Variants in MGAT2 observed in about 807,000 individuals in gnomAD.
MGAT2 encodes the protein alpha-1,6-mannosyl-glycoprotein 2-beta-N-acetylglucosaminyltransferase.
Under a neutral mutation model 33.8 loss-of-function variants are expected in MGAT2, and 17 were observed. That is an observed-to-expected ratio of 0.50 (90% CI 0.34 to 0.76). MGAT2 has a LOEUF of 0.76. MGAT2 is among the 30% of genes least tolerant of loss of function. MGAT2 has a pLI of 0.01. For missense variants in MGAT2, 529 were observed against 553.9 expected (o/e 0.96, Z 0.45); for synonymous variants, 248 against 226.7 (o/e 1.09, Z -0.84).
rs1447067392 is a variant in MGAT2, at chr14:49,622,693, G to A, written c.*81G>A. 1 of 1,445,228 alleles carries A rather than the reference G, an allele frequency of 6.9e-7. No homozygotes were observed. Among genetic ancestry groups the A allele is most frequent in the East Asian group, 2.4e-5 (1 of 42,514 alleles). The allele number at this position is 1,445,228 out of a possible 1,614,324, so 89.5% of individuals were successfully genotyped here. ...CATACAATTGAATAAAAGAGTTTAG[G>A]AACTGGTTTCTGCTTTAATACAAAA... On this transcript the variant is annotated 3_prime_UTR_variant, in exon 1 of 1. Transcript: ENST00000305386.
In MGAT2 at chr14:49,620,938, G is replaced by C. The variant is rs1209909533; in HGVS notation, c.-331G>C. 5 of 701,872 alleles carry C rather than the reference G, an allele frequency of 7.1e-6. No individual in the cohort carries two copies. The African/African-American group carries it at 8.7e-5, about 12-fold the overall frequency. 43.5% of individuals were successfully genotyped at this position (701,872 alleles called of 1,614,324 possible). A position where few individuals can be genotyped will look rare whatever the true frequency, so the allele number is the denominator to read the frequency against. The stretch of plus-strand genomic sequence containing the variant: ...GAGGCGCAGGTAACGAAGCTAGGGT[G>C]CGGTTGGGACCGCGGCTGAGCTTTT... On this transcript the variant is annotated 5_prime_UTR_variant, in exon 1 of 1. Transcript: ENST00000305386.
Position 49,621,036 on chromosome 14 carries a change from G to C in MGAT2, c.-233G>C. 1.4e-6 allele frequency: 1 copy of C among 718,450 alleles called. No homozygotes were observed. The highest frequency in any genetic ancestry group is 2.5e-4 in the Middle Eastern group (1 of 4,018). The allele number at this position is 718,450 out of a possible 1,614,324, so 44.5% of individuals were successfully genotyped here. Reference sequence around the variant, plus strand: ...CGCGGCTCCTAGCGGCGGCGCCGATGCTCGAGCTGTAGCTGCCAGGCGAGG... The same window carrying C: ...CGCGGCTCCTAGCGGCGGCGCCGATCCTCGAGCTGTAGCTGCCAGGCGAGG... On this transcript the variant is annotated 5_prime_UTR_variant, in exon 1 of 1. The change abolishes an upstream ATG in the 5' untranslated region. Transcript: ENST00000305386. The surrounding 1 kb of genome is among the most constrained non-coding windows in gnomAD (Gnocchi z 4.6).
chr14:49,621,387 C>T lies in MGAT2; in HGVS notation c.119C>T (p.Pro40Leu), dbSNP rs754383709. 5.6e-6 allele frequency: 9 copies of T among 1,610,166 alleles called. No homozygotes were observed. The highest frequency in any genetic ancestry group is 3.3e-5 in the South Asian group (3 of 91,000). ...AGGAAGAACGAGGCCCTCGCCCCAC[C>T]GTTGCTGGACGCCGAACCCGCGCGG... ...RQRKNEALAP[P>L]LLDAEPARGA... The change falls in exon 1 of 1, where the codon CCG becomes CTG. Residue 40 changes from proline to leucine, a missense_variant. Physicochemically the swap from Pro to Leu is moderately conservative, Grantham distance 98. Coordinates refer to ENST00000305386, the MANE Select transcript of MGAT2 (RefSeq NM_002408.4). This position sits in a 1 kb window ranked among gnomAD's most constrained non-coding sequence, Gnocchi z 4.6.
At position 49,622,429 on chromosome 14, in the gene MGAT2, A is replaced by T. The variant is rs199732373; in HGVS notation, c.1161A>T (p.Arg387Ser). ...GTATGCATCACAAGAAAACCTGTAG[A>T]CCATCCACTCAGAGTGCCCAAATTG... is the stretch of plus-strand genomic sequence containing the variant. ...DCGMHHKKTCRPSTQSAQIES... is the reference protein window; with the variant it reads ...DCGMHHKKTCSPSTQSAQIES... Residue 387 changes from arginine to serine, a missense_variant, in exon 1 of 1, where the codon AGA (arginine) becomes AGT (serine). By Grantham distance (110) the Arg-to-Ser change is moderately radical (BLOSUM62 -1). This residue lies in a region of MGAT2 where 501 missense variants were observed against 501.1 expected (regional missense o/e 1.00). Transcript: ENST00000305386. The T allele has an allele frequency of 9.9e-6, 16 of 1,614,130 alleles. No individual in the cohort carries two copies. Among genetic ancestry groups the T allele is most frequent in the Non-Finnish European group, 1.3e-5 (15 of 1,180,006 alleles).
rs1292170836 is a variant in MGAT2 at position 49,622,237 on chromosome 14, G to A, written c.969G>A (p.Leu323=). 1.2e-6 allele frequency: 2 copies of A among 1,614,162 alleles called. No homozygotes were observed. Among genetic ancestry groups the A allele is most frequent in the African/African-American group, 2.7e-5 (2 of 75,044 alleles). ...KSTEHNMGLA[L]TRNAYQKLIE... ...CAGAGCACAATATGGGTCTAGCCTT[G>A]ACCCGGAATGCCTATCAGAAGCTGA... Residue 323 remains leucine, a synonymous_variant, in exon 1 of 1, where the codon TTG becomes TTA. Transcript: ENST00000305386.
At position 49,622,418 on chromosome 14, in the gene MGAT2, A is replaced by G. The variant is rs1882881812; in HGVS notation, c.1150A>G (p.Lys384Glu). ...TGGAGACTGTGGTATGCATCACAAGAAAACCTGTAGACCATCCACTCAGAG... is the reference window on the plus strand; with the variant it reads ...TGGAGACTGTGGTATGCATCACAAGGAAACCTGTAGACCATCCACTCAGAG... ...HAGDCGMHHK[K>E]TCRPSTQSAQ... Residue 384 changes from lysine (K) to glutamate (E), a missense_variant, in exon 1 of 1, where the codon AAA (lysine) becomes GAA (glutamate). Lys to Glu is a moderately conservative substitution (Grantham distance 56). This residue lies in a region of MGAT2 where 501 missense variants were observed against 501.1 expected (regional missense o/e 1.00). Transcript: ENST00000305386. 6.2e-7 allele frequency: 1 copy of G among 1,614,174 alleles called. No individual in the cohort carries two copies. The highest frequency in any genetic ancestry group is 8.5e-7 in the Non-Finnish European group (1 of 1,180,038).
rs1882855406 is a variant in MGAT2, at chr14:49,621,631, G to T, written c.363G>T (p.Val121=). Residue 121 remains valine (V), a synonymous_variant, in exon 1 of 1, where the codon GTG becomes GTT. Transcript: ENST00000305386. The surrounding 1 kb of genome is among the most constrained non-coding windows in gnomAD (Gnocchi z 4.6). ...GGGCCCCCCGGGAGCTGGTGCTGGTGGTCCAGGTGCATAACCGGCCCGAAT... is the reference window on the plus strand; with the variant it reads ...GGGCCCCCCGGGAGCTGGTGCTGGTTGTCCAGGTGCATAACCGGCCCGAAT... ...GTWAPRELVL[V]VQVHNRPEYL... The T allele has an allele frequency of 3.1e-6, 5 of 1,614,126 alleles. No individual in the cohort carries two copies. The African/African-American group carries it at 4.0e-5, about 13-fold the overall frequency.
In MGAT2 at chr14:49,621,348, G is replaced by C. The variant is rs568281032; in HGVS notation, c.80G>C (p.Ser27Thr). 1.9e-6 allele frequency: 3 copies of C among 1,612,224 alleles called. No individual in the cohort carries two copies. Among genetic ancestry groups the C allele is most frequent in the Non-Finnish European group, 2.5e-6 (3 of 1,179,638 alleles). ...GCCTGCGGCTTCGTCCTCTGGAGCA[G>C]CAATGGGCGACAAAGGAAGAACGAG... ...VAACGFVLWS[S>T]NGRQRKNEAL... The change falls in exon 1 of 1, where the codon AGC (serine) becomes ACC (threonine). Residue 27 changes from serine (S) to threonine (T), a missense_variant. Physicochemically the swap from Ser to Thr is moderately conservative, Grantham distance 58. This residue lies in a region of MGAT2 where 501 missense variants were observed against 501.1 expected (regional missense o/e 1.00). Coordinates refer to ENST00000305386, the MANE Select transcript of MGAT2 (RefSeq NM_002408.4). This position sits in a 1 kb window ranked among gnomAD's most constrained non-coding sequence, Gnocchi z 4.6.
chr14:49,623,237 GT>G lies in MGAT2; in HGVS notation c.*629del, dbSNP rs536689512. On this transcript the variant is annotated 3_prime_UTR_variant, in exon 1 of 1. Transcript: ENST00000305386. ...TGATTGATAAGAAAGTTTAAACATT[GT>G]TTTCACCTCAATGTAGAAATACAGT... The G allele has an allele frequency of 5.5e-5, 9 of 164,034 alleles. No homozygotes were observed. The East Asian group carries it at 1.7e-3, about 32-fold the overall frequency. The allele number at this position is 164,034 out of a possible 1,614,324, so 10.2% of individuals were successfully genotyped here.
Position 49,621,042 on chromosome 14 carries a change from G to C in MGAT2, c.-227G>C. On this transcript the variant is annotated 5_prime_UTR_variant, in exon 1 of 1. Coordinates refer to ENST00000305386, the MANE Select transcript of MGAT2 (RefSeq NM_002408.4). This position sits in a 1 kb window ranked among gnomAD's most constrained non-coding sequence, Gnocchi z 4.6. ...TCCTAGCGGCGGCGCCGATGCTCGA[G>C]CTGTAGCTGCCAGGCGAGGATGTGT... The C allele has an allele frequency of 1.4e-6, 1 of 723,646 alleles. No homozygotes were observed. The highest frequency in any genetic ancestry group is 1.5e-5 in the South Asian group (1 of 67,960). 44.8% of individuals were successfully genotyped at this position (723,646 alleles called of 1,614,324 possible).
rs754678947 is a variant in MGAT2 at position 49,621,496 on chromosome 14, C to T, written c.228C>T (p.Val76=). The T allele has an allele frequency of 1.2e-6, 2 of 1,610,258 alleles. No homozygotes were observed. The highest frequency in any genetic ancestry group is 1.3e-5 in the African/African-American group (1 of 74,982). The change falls in exon 1 of 1, where the codon GTC becomes GTT. Residue 76 remains valine, a synonymous_variant. Transcript: ENST00000305386. This position sits in a 1 kb window ranked among gnomAD's most constrained non-coding sequence, Gnocchi z 4.6. ...RVSNVSAASL[V]PAVPQPEADN... ...CCAACGTGTCGGCGGCTTCCCTGGT[C>T]CCGGCGGTCCCCCAGCCCGAGGCGG...
chr14:49,621,903 A>T lies in MGAT2; in HGVS notation c.635A>T (p.Asn212Ile). 2 of 1,614,230 alleles carry T rather than the reference A, an allele frequency of 1.2e-6. No individual in the cohort carries two copies. Among genetic ancestry groups the T allele is most frequent in the Non-Finnish European group, 1.7e-6 (2 of 1,180,044 alleles). The change falls in exon 1 of 1, where the codon AAT becomes ATT. Residue 212 changes from asparagine to isoleucine, a missense_variant. Coordinates refer to ENST00000305386, the MANE Select transcript of MGAT2 (RefSeq NM_002408.4). This position sits in a 1 kb window ranked among gnomAD's most constrained non-coding sequence, Gnocchi z 4.6. Reference sequence around the variant, plus strand: ...GCCGCTTTGAAATTGGGGTGCATCAATGCTGAGTATCCCGACTCCTTCGGC... The same window carrying T: ...GCCGCTTTGAAATTGGGGTGCATCATTGCTGAGTATCCCGACTCCTTCGGC... ...KNAALKLGCINAEYPDSFGHY... is the reference protein window; with the variant it reads ...KNAALKLGCIIAEYPDSFGHY...
rs548966102 is a variant in MGAT2 at position 49,623,191 on chromosome 14, C to T, written c.*579C>T. 2 of 166,660 alleles carry T rather than the reference C, an allele frequency of 1.2e-5. No individual in the cohort carries two copies. The highest frequency in any genetic ancestry group is 1.3e-4 in the Admixed American group (2 of 15,252). 10.3% of individuals were successfully genotyped at this position (166,660 alleles called of 1,614,324 possible). ...TGTGTTTTGGAACCTTCATAGAACA[C>T]ACTTTCTTTTGGAATGTATTTGATT... On this transcript the variant is annotated 3_prime_UTR_variant, in exon 1 of 1. Transcript: ENST00000305386.
rs1173870009 is a variant in MGAT2 at position 49,622,499 on chromosome 14, C to CT, written c.1232dup (p.Thr412AsnfsTer4). On this transcript the variant is annotated frameshift_variant, in exon 1 of 1. Transcript: ENST00000305386. LOFTEE classifies it high-confidence loss of function. ...CAAACAATACATGTTTCCAGAAACT[C>CT]TAACTATCAGTGAAAAGTTTACTGT... is the stretch of plus-strand genomic sequence containing the variant. The CT allele has an allele frequency of 1.9e-6, 3 of 1,604,052 alleles. No homozygotes were observed. Among genetic ancestry groups the CT allele is most frequent in the Non-Finnish European group, 2.6e-6 (3 of 1,175,494 alleles).
rs1285439729 is a variant in MGAT2, at chr14:49,621,893, G to T, written c.625G>T (p.Gly209Trp). The T allele has an allele frequency of 6.8e-6, 11 of 1,614,062 alleles. No homozygotes were observed. The highest frequency in any genetic ancestry group is 9.3e-6 in the Non-Finnish European group (11 of 1,180,038). ...DLPKNAALKL[G>W]CINAEYPDSF... The stretch of plus-strand genomic sequence containing the variant: ...GCCGAAGAATGCCGCTTTGAAATTG[G>T]GGTGCATCAATGCTGAGTATCCCGA... Residue 209 changes from glycine (G) to tryptophan (W), a missense_variant, in exon 1 of 1, where the codon GGG (glycine) becomes TGG (tryptophan). Gly to Trp is a radical substitution (Grantham distance 184, BLOSUM62 -2). Coordinates refer to ENST00000305386, the MANE Select transcript of MGAT2 (RefSeq NM_002408.4). This position sits in a 1 kb window ranked among gnomAD's most constrained non-coding sequence, Gnocchi z 4.6.
At position 49,621,200 on chromosome 14, in the gene MGAT2, C is replaced by T; in HGVS notation, c.-69C>T. On this transcript the variant is annotated 5_prime_UTR_variant, in exon 1 of 1. Coordinates refer to ENST00000305386, the MANE Select transcript of MGAT2 (RefSeq NM_002408.4). The surrounding 1 kb of genome is among the most constrained non-coding windows in gnomAD (Gnocchi z 4.6). ...GCCAAGGCGACGGCCGCCGCCCGCC[C>T]GCCCCTTCCGTGCAGAAGCAGCTGC... 1.9e-6 allele frequency: 3 copies of T among 1,602,814 alleles called. No individual in the cohort carries two copies. Among genetic ancestry groups the T allele is most frequent in the Non-Finnish European group, 2.6e-6 (3 of 1,176,176 alleles).
rs1435614170 is a variant in MGAT2 at position 49,622,043 on chromosome 14, G to A, written c.775G>A (p.Glu259Lys). 2 of 1,613,798 alleles carry A rather than the reference G, an allele frequency of 1.2e-6. No homozygotes were observed. The highest frequency in any genetic ancestry group is 2.7e-5 in the African/African-American group (2 of 74,828). ...RDYAGLILFL[E>K]EDHYLAPDFY... ...TTATGCTGGCCTTATACTTTTCCTA[G>A]AAGAGGATCACTACTTAGCCCCAGA... The change falls in exon 1 of 1, where the codon GAA (glutamate) becomes AAA (lysine). Residue 259 changes from glutamate (E) to lysine (K), a missense_variant. By Grantham distance (56) the Glu-to-Lys change is moderately conservative (BLOSUM62 1). Around this residue, in one of 2 missense-constraint regions of MGAT2, gnomAD observed 501 missense variants for 501.1 expected, o/e 1.00. Coordinates refer to ENST00000305386, the MANE Select transcript of MGAT2 (RefSeq NM_002408.4).
chr14:49,620,873 C>A lies in MGAT2; in HGVS notation c.-396C>A. On this transcript the variant is annotated 5_prime_UTR_variant, in exon 1 of 1. Transcript: ENST00000305386. ...GTCGCTCAGTTCTGGCCGTCTAGGG[C>A]CCCTGTAAGGATGAGAGCGCAGAGG... 1 of 690,166 alleles carries A rather than the reference C, an allele frequency of 1.4e-6. No individual in the cohort carries two copies. The highest frequency in any genetic ancestry group is 1.5e-5 in the South Asian group (1 of 66,524). The allele number at this position is 690,166 out of a possible 1,614,324, so 42.8% of individuals were successfully genotyped here.
Position 49,622,869 on chromosome 14 carries a change from A to C in MGAT2, c.*257A>C. The C allele has an allele frequency of 3.2e-6, 1 of 308,020 alleles. No homozygotes were observed. Among genetic ancestry groups the C allele is most frequent in the East Asian group, 5.8e-5 (1 of 17,282 alleles). The allele number at this position is 308,020 out of a possible 1,614,324, so 19.1% of individuals were successfully genotyped here. ...TTGATTATTGTTGATATGAGAGAAG[A>C]GGGGAAATTTTATTTAAATTGCATT... On this transcript the variant is annotated 3_prime_UTR_variant, in exon 1 of 1. Transcript: ENST00000305386.
Sources: allele counts gnomAD v4.1 joint callset, GRCh38; gene constraint gnomAD v4.1.1; regional missense constraint gnomAD v4.1.1; non-coding constraint Gnocchi (gnomAD v3.1); transcripts MANE v1.5; gene names NCBI Gene and HGNC (gene_info 2026-07-23, HGNC 2026-07-21).